TRDN: variants seen among roughly 807,000 people sequenced by gnomAD.
TRDN encodes the protein triadin.
In TRDN, 161 loss-of-function variants were observed where a neutral mutation model predicts 149.7. That is an observed-to-expected ratio of 1.08 (90% CI 0.95 to 1.23). The LOEUF is 1.23. Ranked by LOEUF, TRDN falls within the 50% of genes most tolerant of loss-of-function variation. The pLI is 0.00. For synonymous variants in TRDN, 294 were observed against 250.5 expected (o/e 1.17, Z -1.64); for missense variants, 896 against 823.5 (o/e 1.09, Z -1.08).
At chr6:123,490,012 T>G (rs964701397) in intron 9 of TRDN, among the ~76,000 whole-genome samples, 2 of 152,110 alleles carry the variant, frequency 1.3e-5, no homozygotes, top group African/African-American at 4.8e-5. Context: ...TCAAAATTAT[T>G]AAATGAATCA....
intron 1 of TRDN, among the ~76,000 whole-genome samples, chr6:123,628,852 C>A (rs1785813489): frequency 6.6e-6 from 1 of 152,056 alleles, no homozygotes; most frequent in Non-Finnish European, 1.5e-5. Context: ...AAACCTCTGG[C>A]ATGACATACT....
chr6:123,617,161 G>A (rs1785135082), intron 1 of TRDN, among the ~76,000 whole-genome samples: 1 of 152,062 alleles, frequency 6.6e-6, no homozygotes, highest in African/African-American at 2.4e-5. Context: ...AGCTGAAAAT[G>A]TACATAGCTT....
chr6:123,465,458 AT>A (rs1265393026), intron 9 of TRDN, among the ~76,000 whole-genome samples: 1 of 151,872 alleles, frequency 6.6e-6, no homozygotes, highest in Non-Finnish European at 1.5e-5. Context: ...GAACAGATAC[AT>A]TTTTCCCTAC....
At chr6:123,408,270 G>A (rs1773277388) in intron 12 of TRDN, among the ~76,000 whole-genome samples, 1 of 152,104 alleles carries the variant, frequency 6.6e-6, no homozygotes, top group Non-Finnish European at 1.5e-5. Context: ...GAATTTCATT[G>A]AAGCATCTCA....
chr6:123,560,064 C>A (rs1312193564), intron 2 of TRDN, among the ~76,000 whole-genome samples: 4 of 152,162 alleles, frequency 2.6e-5, no homozygotes, highest in African/African-American at 9.7e-5. Flanking sequence ...CACCCTGTAG[C>A]CTTTCTGTCC....
At chr6:123,242,770 C>T (rs1309779002) in intron 38 of TRDN, among the ~76,000 whole-genome samples, 1 of 151,898 alleles carries the variant, frequency 6.6e-6, no homozygotes, top group Non-Finnish European at 1.5e-5. Flanking sequence ...TAAGTGTTTC[C>T]CAGGGCCCCA....
chr6:123,331,772 T>C, intron 23 of TRDN, 107 bp downstream of exon 23: 2 of 659,614 alleles, frequency 3.0e-6, no homozygotes, highest in South Asian at 3.1e-5. Context: ...ATATGAAGGC[T>C]ATGGTTTTGA....
chr6:123,422,903 T>G (rs4320388), intron 12 of TRDN, among the ~76,000 whole-genome samples: 24,931 of 152,086 alleles, frequency 0.16, 2,157 homozygotes, highest in South Asian at 0.22. Context: ...TAAGGTTGTG[T>G]GTTTCCTTCA....
chr6:123,438,540 A>G (rs372318635), intron 11 of TRDN, among the ~76,000 whole-genome samples: 161 of 152,236 alleles, frequency 1.1e-3, no homozygotes, highest in African/African-American at 3.6e-3. Context: ...AAAACAACCA[A>G]TTAAAATATA....
chr6:123,516,319 T>G lies in TRDN; in HGVS notation c.485-113A>C, dbSNP rs1169233209. ...ATCTTCTGTTTTTAGAAATCTTTCT[T>G]TAACTGGATTCAGATTTTATGTAGT... is the stretch of plus-strand genomic sequence containing the variant. On this transcript the variant is annotated intron_variant, in intron 5 of 40. Transcript: ENST00000334268. The G allele has an allele frequency of 3.3e-6, 4 of 1,223,780 alleles. No individual in the cohort carries two copies. In the East Asian group the frequency reaches 1.3e-4, roughly 41 times the overall value. 75.8% of individuals were successfully genotyped at this position (1,223,780 alleles called of 1,614,324 possible).
intron 1 of TRDN, 116 bp downstream of exon 1, chr6:123,636,638 G>C: frequency 8.2e-7 from 1 of 1,219,504 alleles, no homozygotes; most frequent in Non-Finnish European, 1.2e-6. Flanking sequence ...TAGAATCATT[G>C]ACCAAGGCAA....
intron 23 of TRDN, among the ~76,000 whole-genome samples, chr6:123,317,872 AGT>A (rs1318603895): frequency 6.6e-6 from 1 of 152,028 alleles, no homozygotes; most frequent in African/African-American, 2.4e-5. Flanking sequence ...GGGTATCTGA[AGT>A]CCTAGAAGAA....
chr6:123,544,343 G>A (rs1415722941), intron 4 of TRDN, among the ~76,000 whole-genome samples: 4 of 150,372 alleles, frequency 2.7e-5, no homozygotes, highest in African/African-American at 7.3e-5. Flanking sequence ...TCCAAGTAAC[G>A]TTGAATACCA....
Position 123,223,672 on chromosome 6 carries a change from T to TCTTTCTTCCTTCCTTC in TRDN, c.2014+420_2014+421insGAAGGAAGGAAGAAAG, listed in dbSNP as rs552763205. ...CAGGGGTTGAGTCCAGCCTTCCATT[T>TCTTTCTTCCTTCCTTC]CTTCCTTCCTTCCTTCCTTCCTTCC... On this transcript the variant is annotated intron_variant, in intron 39 of 40. Coordinates refer to ENST00000334268, the MANE Select transcript of TRDN (RefSeq NM_006073.4). Among the ~76,000 whole-genome samples, 14 of 105,792 alleles carry TCTTTCTTCCTTCCTTC rather than the reference T, an allele frequency of 1.3e-4. 1 individual carries two copies. The East Asian group carries it at 4.6e-3, about 35-fold the overall frequency. The allele number at this position is 105,792 out of a possible 152,430, so 69.4% of individuals were successfully genotyped here. A position where few individuals can be genotyped will look rare whatever the true frequency, so the allele number is the denominator to read the frequency against.
At chr6:123,570,781 T>C (rs1327061665) in intron 2 of TRDN, 142 bp downstream of exon 2, 1 of 682,006 alleles carries the variant, frequency 1.5e-6, no homozygotes, top group Admixed American at 2.9e-5. Flanking sequence ...ATGAAACAGA[T>C]TTCAGTGATC....
chr6:123,618,985 T>A (rs1220213729), intron 1 of TRDN, among the ~76,000 whole-genome samples: 1 of 152,168 alleles, frequency 6.6e-6, no homozygotes, highest in African/African-American at 2.4e-5. Flanking sequence ...AAATCAATGA[T>A]GAAACTGAAG....
At chr6:123,543,277 A>G (rs1308256703) in intron 4 of TRDN, among the ~76,000 whole-genome samples, 2 of 152,156 alleles carry the variant, frequency 1.3e-5, no homozygotes, top group Non-Finnish European at 2.9e-5. Flanking sequence ...GTCATTTACT[A>G]TTTTATTTAA....
At chr6:123,401,721 G>T (rs943754759) in intron 12 of TRDN, among the ~76,000 whole-genome samples, 2 of 152,096 alleles carry the variant, frequency 1.3e-5, no homozygotes, top group African/African-American at 4.8e-5. Flanking sequence ...AAGGTAGGTG[G>T]ATCACCTGAG....
intron 1 of TRDN, among the ~76,000 whole-genome samples, chr6:123,624,771 C>T (rs1454349917): frequency 6.6e-6 from 1 of 151,996 alleles, no homozygotes; most frequent in African/African-American, 2.4e-5. Flanking sequence ...GGTCTCTATA[C>T]ATACAAAGTA....
Sources: gnomAD v4.1 joint callset for allele counts (sites outside exome capture counted in the v4.1 genomes callset) on GRCh38, gnomAD v4.1.1 for gene constraint, MANE v1.5 for transcripts, NCBI Gene and HGNC (gene_info 2026-07-23, HGNC 2026-07-21) for gene names.